Variants in RBFOX3 observed in about 807,000 individuals in gnomAD.
The protein encoded by RBFOX3 is RNA binding fox-1 homolog 3.
A neutral mutation model predicts 48.7 loss-of-function variants in RBFOX3; 17 were observed. The ratio of observed to expected loss-of-function variants is 0.35; its 90% CI spans 0.24 to 0.52. The LOEUF (loss-of-function observed/expected upper bound fraction) is 0.52. RBFOX3 is among the 20% of genes least tolerant of loss of function. The pLI is 0.94. For missense variants in RBFOX3, 382 were observed against 497.5 expected (o/e 0.77, Z 2.21); for synonymous variants, 212 against 209.5 (o/e 1.01, Z -0.10).
chr17:79,599,234 G>A lies in RBFOX3; in HGVS notation c.-320+11592C>T, dbSNP rs1042234351. ...ATATGCTGGCCAGCACGCATGTGTA[G>A]GTGCACAGGAGACCCGTGCAACTCC... On this transcript the variant is annotated intron_variant, in intron 1 of 14. Transcript: ENST00000693108. 3.9e-5 allele frequency: 6 copies of A among 152,354 alleles called. No individual in the cohort carries two copies. In the South Asian group the frequency reaches 1.2e-3, roughly 32 times the overall value. The allele number at this position is 152,354 out of a possible 1,614,324, so 9.4% of individuals were successfully genotyped here.
intron 2 of RBFOX3, among the ~76,000 whole-genome samples, chr17:79,400,280 A>G (rs897068515): frequency 1.3e-5 from 2 of 152,094 alleles, no homozygotes; most frequent in African/African-American, 4.8e-5. Flanking sequence ...GAGACTCCGG[A>G]TAGAATTCTT....
At position 79,115,890 on chromosome 17, in the gene RBFOX3, C is replaced by G. The variant is rs182055899; in HGVS notation, c.-33-142G>C. 1.4e-3 allele frequency: 721 copies of G among 523,652 alleles called. 10 individuals carry two copies. The highest frequency in any genetic ancestry group is 0.013 in the African/African-American group (654 of 50,050). The allele number at this position is 523,652 out of a possible 1,614,324, so 32.4% of individuals were successfully genotyped here. A position where few individuals can be genotyped will look rare whatever the true frequency, so the allele number is the denominator to read the frequency against. On this transcript the variant is annotated intron_variant, in intron 4 of 14. Transcript: ENST00000693108. ...CCCGGCCCCTCCAAGGGGGGCTCGC[C>G]GGCATGGGCACCAGCTCAGAGCAGG...
chr17:79,560,395 T>C (rs1358144882), intron 1 of RBFOX3, among the ~76,000 whole-genome samples: 1 of 152,156 alleles, frequency 6.6e-6, no homozygotes, highest in Non-Finnish European at 1.5e-5. Flanking sequence ...GCCCTCCCTG[T>C]CCTGCTGGCG....
chr17:79,203,483 G>A (rs2057074449), intron 4 of RBFOX3, among the ~76,000 whole-genome samples: 1 of 33,426 alleles, frequency 3.0e-5, no homozygotes. Flanking sequence ...GGGCGAAGGG[G>A]CGTGTAAGGA....
intron 4 of RBFOX3, among the ~76,000 whole-genome samples, chr17:79,222,731 A>T (rs1600093711): frequency 6.6e-6 from 1 of 152,152 alleles, no homozygotes; most frequent in Non-Finnish European, 1.5e-5. Flanking sequence ...CTGGGCACAC[A>T]GGCACCTCCT....
At chr17:79,656,749 AGAAG>A in the RBFOX3 span, among the ~76,000 whole-genome samples, 386 of 51,924 alleles carry the variant, frequency 7.4e-3, 11 homozygotes, top group African/African-American at 0.022. Flanking sequence ...AAAGAAAGAA[AGAAG>A]GAAGGAAGGA....
At chr17:79,440,181 T>C (rs1260068855) in intron 2 of RBFOX3, among the ~76,000 whole-genome samples, 1 of 152,182 alleles carries the variant, frequency 6.6e-6, no homozygotes, top group Non-Finnish European at 1.5e-5. Flanking sequence ...CGTGTCTAAT[T>C]TGCAGCTGAA....
chr17:79,603,777 C>T (rs1261172754), intron 1 of RBFOX3: 1 of 152,256 alleles, frequency 6.6e-6, no homozygotes. Context: ...AGCGGCTTTA[C>T]ATAGATCGCC....
chr17:79,502,566 T>C (rs2082528351), intron 1 of RBFOX3, among the ~76,000 whole-genome samples: 2 of 152,256 alleles, frequency 1.3e-5, no homozygotes, highest in Admixed American at 6.5e-5. Flanking sequence ...ATGATACAAC[T>C]GTGCAGTGAT....
rs974236460 is a variant in RBFOX3 at position 79,097,271 on chromosome 17, T to G, written c.755+21A>C. The G allele has an allele frequency of 1.6e-5, 20 of 1,232,444 alleles. No homozygotes were observed. The African/African-American group carries it at 2.7e-4, about 17-fold the overall frequency. 76.3% of individuals were successfully genotyped at this position (1,232,444 alleles called of 1,614,324 possible). ...GCCGTCCTACCCCCTCCTCCACGCCTCCCCCGGCCCAGGTACTCACGCTCC... is the reference window on the plus strand; with the variant it reads ...GCCGTCCTACCCCCTCCTCCACGCCGCCCCCGGCCCAGGTACTCACGCTCC... On this transcript the variant is annotated intron_variant, in intron 11 of 14. Coordinates refer to ENST00000693108, the MANE Select transcript of RBFOX3 (RefSeq NM_001350451.2).
chr17:79,510,356 C>T (rs1362838388), intron 1 of RBFOX3, among the ~76,000 whole-genome samples: 1 of 152,220 alleles, frequency 6.6e-6, no homozygotes, highest in Non-Finnish European at 1.5e-5. Flanking sequence ...CCAGGTCTGA[C>T]AAGCACGCAG....
chr17:79,325,192 C>G (rs1360844745), intron 2 of RBFOX3, among the ~76,000 whole-genome samples: 3 of 152,206 alleles, frequency 2.0e-5, no homozygotes, highest in African/African-American at 2.4e-5. Context: ...AGCCAAAGGA[C>G]AAATGGTGGC....
intron 3 of RBFOX3, among the ~76,000 whole-genome samples, chr17:79,260,925 C>T (rs1028415828): frequency 3.5e-4 from 53 of 152,272 alleles, no homozygotes; most frequent in Admixed American, 2.0e-4. Context: ...TGGCACCTGC[C>T]GGCACACTCC....
chr17:79,092,768 A>C, intron 14 of RBFOX3: 1 of 424,756 alleles, frequency 2.4e-6, no homozygotes, highest in Non-Finnish European at 3.2e-6. Context: ...TTCCCCCTAT[A>C]TTCCTTGGGG....
intron 14 of RBFOX3, among the ~76,000 whole-genome samples, chr17:79,091,561 G>A (rs2073908702): frequency 6.6e-6 from 1 of 152,214 alleles, no homozygotes; most frequent in African/African-American, 2.4e-5. Context: ...CAGGCCACAG[G>A]GCCCTGCCTG....
chr17:79,309,036 G>A (rs1395266745), intron 2 of RBFOX3, among the ~76,000 whole-genome samples: 1 of 151,720 alleles, frequency 6.6e-6, no homozygotes, highest in African/African-American at 2.4e-5. Flanking sequence ...GAACCTGGGA[G>A]GCAGAGATTG....
rs1270682935 is a variant in RBFOX3 at position 79,482,867 on chromosome 17, G to A, written c.-319-269C>T. ...CACCGTGCAGTCCATCCCAGGGTCC[G>A]CCCCTCTCCCAGCCCGCTTGCAATG... is the stretch of plus-strand genomic sequence containing the variant. On this transcript the variant is annotated intron_variant, in intron 1 of 14. Transcript: ENST00000693108. The surrounding 1 kb of genome is among the most constrained non-coding windows in gnomAD (Gnocchi z 4.1). Among the ~76,000 whole-genome samples, 6 of 151,928 alleles carry A rather than the reference G, an allele frequency of 3.9e-5. No individual in the cohort carries two copies. The highest frequency in any genetic ancestry group is 1.2e-4 in the African/African-American group (5 of 41,404).
intron 2 of RBFOX3, among the ~76,000 whole-genome samples, chr17:79,405,077 T>A (rs1236980904): frequency 6.6e-6 from 1 of 152,136 alleles, no homozygotes; most frequent in Non-Finnish European, 1.5e-5. Context: ...GTTCCCCAGG[T>A]CTCTCCAAAA....
chr17:79,156,729 G>A (rs933716634), intron 4 of RBFOX3, among the ~76,000 whole-genome samples: 1 of 152,212 alleles, frequency 6.6e-6, no homozygotes, highest in Non-Finnish European at 1.5e-5. Context: ...GGCCCGGAGA[G>A]ACTAGCCCAG....
Sources: allele counts gnomAD v4.1 joint callset (sites outside exome capture counted in the v4.1 genomes callset), GRCh38; gene constraint gnomAD v4.1.1; non-coding constraint Gnocchi (gnomAD v3.1); transcripts MANE v1.5; gene names NCBI Gene and HGNC (gene_info 2026-07-23, HGNC 2026-07-21).